Variants in SH3TC1 observed in about 807,000 individuals in gnomAD.
The protein encoded by SH3TC1 is SH3 domain and tetratricopeptide repeats 1.
In SH3TC1, 135 loss-of-function variants were observed where a neutral mutation model predicts 117.3. That is an observed-to-expected ratio of 1.15 (90% CI 1.00 to 1.33). The LOEUF (loss-of-function observed/expected upper bound fraction) is 1.33, where lower values mean the gene tolerates loss of function less well. Ranked by LOEUF, SH3TC1 falls within the 40% of genes most tolerant of loss-of-function variation. The pLI is 0.00. For missense variants in SH3TC1, 2,092 were observed against 1,794.3 expected, an observed-to-expected ratio of 1.17 and a Z score of -3.00; for synonymous variants, 898 against 816.9, an observed-to-expected ratio of 1.10 and a Z score of -1.69.
rs374550967 is a variant in SH3TC1 at position 8,227,363 on chromosome 4, A to C, written c.1669A>C (p.Met557Leu). 2 of 1,588,832 alleles carry C rather than the reference A, an allele frequency of 1.3e-6. No homozygotes were observed. The highest frequency in any genetic ancestry group is 1.1e-5 in the South Asian group (1 of 87,020). The change falls in exon 12 of 18, where the codon ATG becomes CTG. Residue 557 changes from methionine (M) to leucine (L), a missense_variant. Physicochemically the swap from Met to Leu is conservative, Grantham distance 15. Transcript: ENST00000245105. ...RGAAKKAGLL[M>L]ALARLCFLLG... The stretch of plus-strand genomic sequence containing the variant: ...GGCGGCCAAGAAAGCTGGCCTCCTC[A>C]TGGCCCTGGCCAGGCTCTGCTTCCT...
rs762014647 is a variant in SH3TC1 at position 8,219,553 on chromosome 4, C to T, written c.1112+23C>T. ...CGAGTGAGTGGCTGGAGCCCCGCCC[C>T]TTTCCTGAACCCACCCCCATCTCAC... On this transcript the variant is annotated intron_variant, in intron 9 of 17. Transcript: ENST00000245105. 1.6e-5 allele frequency: 24 copies of T among 1,489,736 alleles called. No homozygotes were observed. The East Asian group carries it at 5.2e-4, about 32-fold the overall frequency. 92.3% of individuals were successfully genotyped at this position (1,489,736 alleles called of 1,614,324 possible).
In SH3TC1 at chr4:8,206,374, G is replaced by A. The variant is rs189527040; in HGVS notation, c.172+1008G>A. On this transcript the variant is annotated intron_variant, in intron 2 of 17. Coordinates refer to ENST00000245105, the MANE Select transcript of SH3TC1 (RefSeq NM_018986.5). The surrounding 1 kb of genome is among the most constrained non-coding windows in gnomAD (Gnocchi z 5.5). ...TGGAATCGCGTTCCCTCCAGGGCAG[G>A]CCTCATGAAAGGAAGGGGCTGCGCT... 6.6e-6 allele frequency among the ~76,000 whole-genome samples: 1 copy of A among 151,852 alleles called. No homozygotes were observed. The highest frequency in any genetic ancestry group is 6.5e-5 in the Admixed American group (1 of 15,268).
rs537041173 is a variant in SH3TC1 at position 8,235,692 on chromosome 4, C to T, written c.3405+137C>T. 2.2e-5 allele frequency: 27 copies of T among 1,251,160 alleles called. No individual in the cohort carries two copies. The African/African-American group carries it at 2.9e-4, about 13-fold the overall frequency. The allele number at this position is 1,251,160 out of a possible 1,614,324, so 77.5% of individuals were successfully genotyped here. A position where few individuals can be genotyped will look rare whatever the true frequency, so the allele number is the denominator to read the frequency against. On this transcript the variant is annotated intron_variant, in intron 15 of 17. Coordinates refer to ENST00000245105, the MANE Select transcript of SH3TC1 (RefSeq NM_018986.5). ...CACATGCTTAGTTTCCTAGTGGTTT[C>T]ACCGGGAATGATATTGACTGTGCCC... is the stretch of plus-strand genomic sequence containing the variant.
chr4:8,214,483 A>G lies in SH3TC1; in HGVS notation c.384A>G (p.Ser128=), dbSNP rs375030168. Residue 128 remains serine (S), a synonymous_variant, in exon 5 of 18, where the codon TCA becomes TCG. Transcript: ENST00000245105. ...REMARVLGEL[S]ARLLSIHSDQ... ...TATTTCTTTCTCTTAAGGAATTATC[A>G]GCCAGGCTGCTGTCCATCCACAGTG... 6 of 1,613,748 alleles carry G rather than the reference A, an allele frequency of 3.7e-6. No homozygotes were observed. Among genetic ancestry groups the G allele is most frequent in the African/African-American group, 1.3e-5 (1 of 74,902 alleles).
intron 1 of SH3TC1, among the ~76,000 whole-genome samples, chr4:8,187,968 T>G (rs1717282472): frequency 6.6e-6 from 1 of 152,234 alleles, no homozygotes; most frequent in Non-Finnish European, 1.5e-5. Context: ...TCTCCCTTTG[T>G]CACAGTTCCA....
Position 8,222,927 on chromosome 4 carries a change from G to C in SH3TC1, c.1200G>C (p.Leu400=), listed in dbSNP as rs754860035. The C allele has an allele frequency of 6.2e-7, 1 of 1,613,198 alleles. No individual in the cohort carries two copies. Among genetic ancestry groups the C allele is most frequent in the East Asian group, 2.2e-5 (1 of 44,890 alleles). Residue 400 remains leucine, a synonymous_variant, in exon 10 of 18, where the codon CTG becomes CTC. Transcript: ENST00000245105. The part of the protein sequence containing the change: ...CFSEEDARQL[L]RRMSGTDVCS... ...CTGAGGAGGATGCCAGGCAGTTGCT[G>C]AGGCGGATGTCGGGCACCGATGTCT...
chr4:8,206,708 G>T lies in SH3TC1; in HGVS notation c.172+1342G>T, dbSNP rs1038311845. Among the ~76,000 whole-genome samples the T allele has an allele frequency of 6.6e-6, 1 of 152,194 alleles. No homozygotes were observed. Among genetic ancestry groups the T allele is most frequent in the African/African-American group, 2.4e-5 (1 of 41,444 alleles). On this transcript the variant is annotated intron_variant, in intron 2 of 17. Transcript: ENST00000245105. This position sits in a 1 kb window ranked among gnomAD's most constrained non-coding sequence, Gnocchi z 5.5. ...TCCTCATCAGCTCCTTCACCTCCTCGTCTTCTCTGGACAATTTCAGATAGA... is the reference window on the plus strand; with the variant it reads ...TCCTCATCAGCTCCTTCACCTCCTCTTCTTCTCTGGACAATTTCAGATAGA...
intron 15 of SH3TC1, 88 bp downstream of exon 15, chr4:8,235,643 C>A (rs547258228): frequency 1.4e-6 from 2 of 1,442,640 alleles, no homozygotes; most frequent in African/African-American, 2.9e-5. Context: ...AGAGCCCTCG[C>A]ACCTGGAGGC....
Position 8,225,119 on chromosome 4 carries a change from G to A in SH3TC1, c.1244-56G>A, listed in dbSNP as rs917237686. On this transcript the variant is annotated intron_variant, in intron 10 of 17. Transcript: ENST00000245105. This position sits in a 1 kb window ranked among gnomAD's most constrained non-coding sequence, Gnocchi z 5.5. ...ACATCGACACTAGCTCAACCTGGCAGGGGACCAGAGGTACTGGCTGGGGGT... is the reference window on the plus strand; with the variant it reads ...ACATCGACACTAGCTCAACCTGGCAAGGGACCAGAGGTACTGGCTGGGGGT... 7 of 1,605,018 alleles carry A rather than the reference G, an allele frequency of 4.4e-6. No individual in the cohort carries two copies. The highest frequency in any genetic ancestry group is 5.1e-6 in the Non-Finnish European group (6 of 1,173,944).
upstream of SH3TC1, among the ~76,000 whole-genome samples, chr4:8,195,570 C>T (rs2152975322): frequency 1.3e-5 from 2 of 152,296 alleles, no homozygotes; most frequent in East Asian, 3.9e-4. Context: ...CAGAGACAAA[C>T]AGGATACGGG....
chr4:8,215,244 T>A (rs1233453320), intron 5 of SH3TC1: 1 of 456,156 alleles, frequency 2.2e-6, no homozygotes, highest in Non-Finnish European at 4.4e-6. Context: ...CTGACCCACG[T>A]GAGCTCTTCC....
Position 8,234,177 on chromosome 4 carries a change from A to C in SH3TC1, c.3282+664A>C, listed in dbSNP as rs1453568379. Among the ~76,000 whole-genome samples the C allele has an allele frequency of 4.8e-5, 6 of 124,700 alleles. No homozygotes were observed. The Admixed American group carries it at 4.8e-4, about 10-fold the overall frequency. The allele number at this position is 124,700 out of a possible 152,430, so 81.8% of individuals were successfully genotyped here. ...CCATCCATCCTTCCATCATCCATCC[A>C]TCCATCATCCATCCATTCATCCATC... On this transcript the variant is annotated intron_variant, in intron 14 of 17. Transcript: ENST00000245105.
rs781455052 is a variant in SH3TC1 at position 8,236,316 on chromosome 4, C to T, written c.3444C>T (p.Arg1148=). ...ALPLAVTTGN[R]KAELRLCNKL... ...CCCTGGCAGTGACTACGGGCAACCG[C>T]AAGGCGGAGCTGCGGCTGTGCAACA... Residue 1148 remains arginine, a synonymous_variant, in exon 16 of 18, where the codon CGC becomes CGT. Transcript: ENST00000245105. 4.3e-5 allele frequency: 67 copies of T among 1,555,362 alleles called. No individual in the cohort carries two copies. The highest frequency in any genetic ancestry group is 5.3e-5 in the Non-Finnish European group (61 of 1,150,186).
intron 13 of SH3TC1, 170 bp downstream of exon 13, chr4:8,232,326 G>A: frequency 6.6e-7 from 1 of 1,516,696 alleles, no homozygotes; most frequent in Non-Finnish European, 9.0e-7. Context: ...TCCCAGGGCT[G>A]CTGATGACCC....
chr4:8,223,628 C>T (rs1244101055), intron 10 of SH3TC1, among the ~76,000 whole-genome samples: 3 of 150,928 alleles, frequency 2.0e-5, no homozygotes, highest in African/African-American at 7.3e-5. Flanking sequence ...GGCTACACAC[C>T]CACTTTTTTT....
At chr4:8,238,396 G>A (rs1023435647) in intron 17 of SH3TC1, among the ~76,000 whole-genome samples, 3 of 152,192 alleles carry the variant, frequency 2.0e-5, no homozygotes, top group Non-Finnish European at 4.4e-5. Flanking sequence ...GGCAGACTCG[G>A]ATCTGGGATG....
intron 17 of SH3TC1, among the ~76,000 whole-genome samples, chr4:8,239,896 A>T (rs1440748237): frequency 1.3e-5 from 2 of 152,160 alleles, no homozygotes; most frequent in Non-Finnish European, 2.9e-5. Flanking sequence ...GGGGCGTTGG[A>T]TGAGCAGTGA....
upstream of SH3TC1, among the ~76,000 whole-genome samples, chr4:8,198,815 G>A (rs1158091063): frequency 1.3e-5 from 2 of 152,254 alleles, no homozygotes; most frequent in Admixed American, 1.3e-4. Context: ...GAGCGTTTGT[G>A]TGCATACGTG....
chr4:8,235,317 G>T, intron 14 of SH3TC1, 116 bp from the exon 15 acceptor site: 5 of 1,279,428 alleles, frequency 3.9e-6, no homozygotes, highest in Admixed American at 3.1e-5. Context: ...TCTGAAAAAG[G>T]CTCAGTTGCA....
Sources: gnomAD v4.1 joint callset for allele counts (sites outside exome capture counted in the v4.1 genomes callset) on GRCh38, gnomAD v4.1.1 for gene constraint, Gnocchi (gnomAD v3.1) non-coding constraint, MANE v1.5 for transcripts, NCBI Gene and HGNC (gene_info 2026-07-23, HGNC 2026-07-21) for gene names.